The following SLC25A21 variants were observed in gnomAD, a reference collection of about 807,000 sequenced individuals.
The protein encoded by SLC25A21 is mitochondrial 2-oxodicarboxylate carrier.
A neutral mutation model predicts 43.8 loss-of-function variants in SLC25A21; 47 were observed. The ratio of observed to expected loss-of-function variants is 1.07; its 90% CI spans 0.85 to 1.37. The LOEUF is 1.37. Among genes scored for constraint, SLC25A21 ranks in the 40% most tolerant of loss-of-function variants. SLC25A21 has a pLI of 0.00. For synonymous variants in SLC25A21, 131 were observed against 121.3 expected (o/e 1.08, Z -0.52); for missense variants, 352 against 350.2 (o/e 1.00, Z -0.04).
chr14:36,998,973 T>C (rs1960430438), intron 1 of SLC25A21, among the ~76,000 whole-genome samples: 1 of 152,142 alleles, frequency 6.6e-6, no homozygotes, highest in South Asian at 2.1e-4. Context: ...CAAAATGGCA[T>C]AGCCACTTTA....
intron 1 of SLC25A21, among the ~76,000 whole-genome samples, chr14:36,931,691 G>T (rs2138637278): frequency 6.6e-6 from 1 of 152,236 alleles, no homozygotes; most frequent in East Asian, 1.9e-4. Context: ...AAGCAGAGAA[G>T]AGCACTCAAG....
intron 3 of SLC25A21, among the ~76,000 whole-genome samples, chr14:36,797,168 T>C (rs1887703640): frequency 6.6e-6 from 1 of 152,222 alleles, no homozygotes; most frequent in Non-Finnish European, 1.5e-5. Flanking sequence ...AATTTCAAAA[T>C]ATTAAAGTCA....
At chr14:36,686,856 G>T (rs1221961005) in intron 7 of SLC25A21, among the ~76,000 whole-genome samples, 1 of 152,164 alleles carries the variant, frequency 6.6e-6, no homozygotes, top group African/African-American at 2.4e-5. Context: ...CTCAATGATG[G>T]TCATTGTGCT....
At chr14:36,931,229 A>T (rs1892279247) in intron 1 of SLC25A21, among the ~76,000 whole-genome samples, 1 of 152,184 alleles carries the variant, frequency 6.6e-6, no homozygotes, top group South Asian at 2.1e-4. Flanking sequence ...AAAATCATAA[A>T]TATCACTCCC....
chr14:36,730,798 C>G (rs1270938752), intron 4 of SLC25A21, among the ~76,000 whole-genome samples: 3 of 152,084 alleles, frequency 2.0e-5, no homozygotes, highest in African/African-American at 7.3e-5. Flanking sequence ...CAACAGTAAA[C>G]AAAGAGAAAC....
At chr14:36,696,646 T>A (rs1007912270) in intron 7 of SLC25A21, among the ~76,000 whole-genome samples, 1 of 152,206 alleles carries the variant, frequency 6.6e-6, no homozygotes, top group African/African-American at 2.4e-5. Context: ...GGAGGGTGTA[T>A]GTGTCCAGGA....
chr14:37,101,762 G>T (rs181229820), intron 1 of SLC25A21, among the ~76,000 whole-genome samples: 1 of 152,008 alleles, frequency 6.6e-6, no homozygotes, highest in East Asian at 1.9e-4. Context: ...AGCCCATATA[G>T]GTATAGAAAA....
At chr14:36,852,945 G>A (rs935644679) in intron 2 of SLC25A21, among the ~76,000 whole-genome samples, 2 of 152,048 alleles carry the variant, frequency 1.3e-5, no homozygotes, top group African/African-American at 2.4e-5. Context: ...TCCATGCACC[G>A]AAACAGGAAC....
intron 1 of SLC25A21, among the ~76,000 whole-genome samples, chr14:37,139,353 G>C (rs1044661778): frequency 6.6e-6 from 1 of 151,998 alleles, no homozygotes; most frequent in Non-Finnish European, 1.5e-5. Context: ...AGAAAAGTCT[G>C]AACTAATTTA....
chr14:37,100,310 G>A (rs558845583), intron 1 of SLC25A21, among the ~76,000 whole-genome samples: 5 of 151,906 alleles, frequency 3.3e-5, no homozygotes, highest in Admixed American at 6.6e-5. Context: ...TCCCCGCCTC[G>A]GCCTCCCAAA....
intron 3 of SLC25A21, among the ~76,000 whole-genome samples, chr14:36,735,708 C>A (rs1404979638): frequency 6.6e-6 from 1 of 152,032 alleles, no homozygotes; most frequent in Non-Finnish European, 1.5e-5. Flanking sequence ...GGCACTAAAG[C>A]ACTTGCCTGC....
At chr14:36,722,545 A>C (rs1025824417) in intron 6 of SLC25A21, among the ~76,000 whole-genome samples, 1 of 152,196 alleles carries the variant, frequency 6.6e-6, no homozygotes, top group South Asian at 2.1e-4. Context: ...TGGGGTTCAT[A>C]GGAAGTCTCT....
At chr14:36,924,902 C>A (rs193253783) in intron 1 of SLC25A21, among the ~76,000 whole-genome samples, 1 of 152,158 alleles carries the variant, frequency 6.6e-6, no homozygotes, top group African/African-American at 2.4e-5. Context: ...GGGACTTGAG[C>A]ATCTGCAGAC....
chr14:36,986,935 T>C (rs1960160124), intron 1 of SLC25A21, among the ~76,000 whole-genome samples: 1 of 152,122 alleles, frequency 6.6e-6, no homozygotes, highest in African/African-American at 2.4e-5. Context: ...TGTGTCTACA[T>C]GCTTATCTGT....
intron 1 of SLC25A21, among the ~76,000 whole-genome samples, chr14:36,909,423 C>G (rs1891623923): frequency 6.6e-6 from 1 of 152,160 alleles, no homozygotes; most frequent in South Asian, 2.1e-4. Context: ...CACCTCTGTT[C>G]AGGACAAATA....
At chr14:36,790,663 GA>G (rs986381138) in intron 3 of SLC25A21, among the ~76,000 whole-genome samples, 1 of 152,104 alleles carries the variant, frequency 6.6e-6, no homozygotes, top group Non-Finnish European at 1.5e-5. Flanking sequence ...TTTGAGGTAT[GA>G]AAATAAGTCC....
chr14:37,049,135 G>GCCTTGAAATGT (rs1961651911), intron 1 of SLC25A21, among the ~76,000 whole-genome samples: 1 of 152,122 alleles, frequency 6.6e-6, no homozygotes, highest in Non-Finnish European at 1.5e-5. Context: ...TACTCACATA[G>GCCTTGAAATGT]CCTTGAAATG....
chr14:37,158,093 G>C (rs1963879851), intron 1 of SLC25A21, among the ~76,000 whole-genome samples: 2 of 152,100 alleles, frequency 1.3e-5, no homozygotes, highest in South Asian at 4.1e-4. Context: ...AGTAATAAAA[G>C]TCTCCCAACA....
intron 2 of SLC25A21, among the ~76,000 whole-genome samples, chr14:36,848,041 G>A (rs1051950192): frequency 1.3e-5 from 2 of 152,138 alleles, no homozygotes; most frequent in Non-Finnish European, 2.9e-5. Context: ...ATGGCGTGGT[G>A]ACCAACAGAT....
Sources: gnomAD v4.1 joint callset for allele counts (sites outside exome capture counted in the v4.1 genomes callset) on GRCh38, gnomAD v4.1.1 for gene constraint, MANE v1.5 for transcripts, NCBI Gene and HGNC (gene_info 2026-07-23, HGNC 2026-07-21) for gene names.